The following MLLT3 variants were observed in gnomAD, a reference collection of about 807,000 sequenced individuals.
MLLT3 encodes the protein MLLT3 super elongation complex subunit.
MLLT3 carries 4 observed loss-of-function variants against 53.2 expected under a neutral mutation model. The observed-to-expected ratio is 0.08, with a 90% CI of 0.04 to 0.17. The LOEUF (loss-of-function observed/expected upper bound fraction) is 0.17. Ranked by LOEUF, MLLT3 falls within the 10% of genes least tolerant of loss-of-function variation. MLLT3 has a pLI of 1.00. For synonymous variants in MLLT3, 283 were observed against 230.6 expected (o/e 1.23, Z -2.06); for missense variants, 569 against 684.0 (o/e 0.83, Z 1.87).
intron 2 of MLLT3, among the ~76,000 whole-genome samples, chr9:20,592,495 A>G (rs1025785940): frequency 6.6e-6 from 1 of 152,114 alleles, no homozygotes; most frequent in African/African-American, 2.4e-5. Flanking sequence ...TTCTCTTCTT[A>G]TAAGGACACA....
chr9:20,448,344 C>A lies in MLLT3; in HGVS notation c.277-78G>T, dbSNP rs1823757261. ...ATTTTAAAAGCAAAAATTTACTCCTCATAAGAAATAGAAAAGAACTAAGAC... is the reference window on the plus strand; with the variant it reads ...ATTTTAAAAGCAAAAATTTACTCCTAATAAGAAATAGAAAAGAACTAAGAC... On this transcript the variant is annotated intron_variant, in intron 3 of 10. Coordinates refer to ENST00000380338, the MANE Select transcript of MLLT3 (RefSeq NM_004529.4). The surrounding 1 kb of genome is among the most constrained non-coding windows in gnomAD (Gnocchi z 4.0). The A allele has an allele frequency of 1.5e-6, 2 of 1,372,736 alleles. No individual in the cohort carries two copies. Among genetic ancestry groups the A allele is most frequent in the Admixed American group, 1.9e-5 (1 of 52,228 alleles). The allele number at this position is 1,372,736 out of a possible 1,614,324, so 85.0% of individuals were successfully genotyped here. A position where few individuals can be genotyped will look rare whatever the true frequency, so the allele number is the denominator to read the frequency against.
intron 5 of MLLT3, among the ~76,000 whole-genome samples, chr9:20,405,540 G>C (rs1310923635): frequency 1.3e-5 from 2 of 152,166 alleles, no homozygotes; most frequent in Non-Finnish European, 2.9e-5. Context: ...TCGAATTCTT[G>C]CTCTGTCACT....
intron 4 of MLLT3, among the ~76,000 whole-genome samples, chr9:20,438,450 C>T (rs183712293): frequency 6.6e-6 from 1 of 152,230 alleles, no homozygotes; most frequent in East Asian, 1.9e-4. Context: ...CTTGCTCTGT[C>T]ACCAAGGCTG....
At chr9:20,615,386 A>AC (rs1563845255) in intron 2 of MLLT3, among the ~76,000 whole-genome samples, 4 of 115,954 alleles carry the variant, frequency 3.4e-5, no homozygotes, top group Non-Finnish European at 5.5e-5. Flanking sequence ...AAAAAAAAAA[A>AC]AAAAAAAAAA....
At chr9:20,453,748 T>C (rs1443737699) in intron 3 of MLLT3, among the ~76,000 whole-genome samples, 1 of 152,186 alleles carries the variant, frequency 6.6e-6, no homozygotes, top group Non-Finnish European at 1.5e-5. Flanking sequence ...ACCATGCACA[T>C]ATATTTCTGC....
intron 5 of MLLT3, among the ~76,000 whole-genome samples, chr9:20,366,142 T>G (rs1384931666): frequency 6.6e-6 from 1 of 152,204 alleles, no homozygotes; most frequent in Non-Finnish European, 1.5e-5. Flanking sequence ...GGTGGTTTAC[T>G]GCACCCATCA....
At chr9:20,516,970 G>A (rs1422754013) in intron 2 of MLLT3, among the ~76,000 whole-genome samples, 3 of 152,120 alleles carry the variant, frequency 2.0e-5, no homozygotes, top group Non-Finnish European at 4.4e-5. Context: ...GCAGTTTAAG[G>A]ATAAATGTTT....
intron 4 of MLLT3, among the ~76,000 whole-genome samples, chr9:20,436,866 A>C (rs1333108571): frequency 6.6e-6 from 1 of 152,138 alleles, no homozygotes; most frequent in East Asian, 1.9e-4. Context: ...AAAATAATGA[A>C]AGTGTTCATG....
At chr9:20,457,684 C>G (rs1425757463) in intron 2 of MLLT3, among the ~76,000 whole-genome samples, 2 of 152,146 alleles carry the variant, frequency 1.3e-5, no homozygotes, top group Admixed American at 1.3e-4. Flanking sequence ...CATGTAAACA[C>G]TTAAGATCTA....
At chr9:20,606,652 A>T (rs1820578681) in intron 2 of MLLT3, among the ~76,000 whole-genome samples, 1 of 152,114 alleles carries the variant, frequency 6.6e-6, no homozygotes, top group South Asian at 2.1e-4. Context: ...CAATGCCTTA[A>T]ACAGTTGATC....
chr9:20,393,937 G>A (rs1822255068), intron 5 of MLLT3, among the ~76,000 whole-genome samples: 1 of 152,092 alleles, frequency 6.6e-6, no homozygotes, highest in African/African-American at 2.4e-5. Context: ...TGTCTTAAAA[G>A]TACTTCATCA....
intron 4 of MLLT3, among the ~76,000 whole-genome samples, chr9:20,421,251 A>C (rs1239170707): frequency 6.6e-6 from 1 of 152,126 alleles, no homozygotes; most frequent in Non-Finnish European, 1.5e-5. Flanking sequence ...GCAATAGAGC[A>C]AGACTCTGTC....
chr9:20,587,999 A>T (rs968100408), intron 2 of MLLT3, among the ~76,000 whole-genome samples: 3 of 149,692 alleles, frequency 2.0e-5, no homozygotes, highest in Non-Finnish European at 4.5e-5. Flanking sequence ...TCTTTAATCC[A>T]TCTTGAATTG....
At chr9:20,503,369 A>T (rs1011581242) in intron 2 of MLLT3, among the ~76,000 whole-genome samples, 4 of 152,200 alleles carry the variant, frequency 2.6e-5, no homozygotes, top group South Asian at 2.1e-4. Flanking sequence ...GGAATGGAAT[A>T]GAGGGCCCAG....
intron 2 of MLLT3, among the ~76,000 whole-genome samples, chr9:20,565,984 T>A (rs1423487971): frequency 1.4e-4 from 14 of 100,200 alleles, no homozygotes; most frequent in Middle Eastern, 4.7e-3. Context: ...ATATATATAT[T>A]TATTTATATA....
At chr9:20,501,757 CAAAAAAAAAAAAAAAA>C (rs936828819) in intron 2 of MLLT3, among the ~76,000 whole-genome samples, 1 of 18,580 alleles carries the variant, frequency 5.4e-5, no homozygotes, top group African/African-American at 2.0e-4. Context: ...GACTCCGTCT[CAAAAAAAAAAAAAAAA>C]AAAAAAAAAA....
At chr9:20,581,709 G>A (rs915361864) in intron 2 of MLLT3, among the ~76,000 whole-genome samples, 40 of 152,082 alleles carry the variant, frequency 2.6e-4, no homozygotes, top group Admixed American at 1.5e-3. Context: ...TAAGATGCAG[G>A]AACACTATGC....
chr9:20,506,667 T>G (rs1372363029), intron 2 of MLLT3, among the ~76,000 whole-genome samples: 1 of 152,184 alleles, frequency 6.6e-6, no homozygotes, highest in Non-Finnish European at 1.5e-5. Flanking sequence ...AATAGGTTAT[T>G]TTTCCATATC....
chr9:20,524,523 T>A (rs750465861), intron 2 of MLLT3, among the ~76,000 whole-genome samples: 3 of 150,358 alleles, frequency 2.0e-5, no homozygotes, highest in African/African-American at 5.0e-5. Context: ...AAAAATAACT[T>A]TTTTTAAAAA....
Sources: allele counts gnomAD v4.1 joint callset (sites outside exome capture counted in the v4.1 genomes callset), GRCh38; gene constraint gnomAD v4.1.1; non-coding constraint Gnocchi (gnomAD v3.1); transcripts MANE v1.5; gene names NCBI Gene and HGNC (gene_info 2026-07-23, HGNC 2026-07-21).